SLC16A4: variants seen among roughly 807,000 people sequenced by gnomAD.
SLC16A4 encodes solute carrier family 16 member 4.
Under a neutral mutation model 47.9 loss-of-function variants are expected in SLC16A4, and 39 were observed. That is an observed-to-expected ratio of 0.81 (90% confidence interval 0.63 to 1.06). SLC16A4 has a LOEUF of 1.06. Ranked by LOEUF, SLC16A4 falls within the 50% of genes least tolerant of loss-of-function variation. The pLI, the probability that SLC16A4 is intolerant of heterozygous loss-of-function variation, is 0.00. For missense variants in SLC16A4, 524 were observed against 573.8 expected (o/e 0.91, Z 0.89); for synonymous variants, 189 against 199.9 (o/e 0.95, Z 0.46).
intron 8 of SLC16A4, chr1:110,372,012 C>T (rs756440467): frequency 1.3e-5 from 2 of 151,254 alleles, no homozygotes; most frequent in South Asian, 2.1e-4. Context: ...TTTTCTTGCC[C>T]GTATTCTCTA....
rs554864657 is a variant in SLC16A4 at position 110,385,856 on chromosome 1, A to G, written c.88-2890T>C. On this transcript the variant is annotated intron_variant, in intron 2 of 8. Coordinates refer to ENST00000369779, the MANE Select transcript of SLC16A4 (RefSeq NM_004696.3). ...CAGGCCCCCATTGAGGCAATTTATA[A>G]CCATAATTTTCCTCTAAGGCACTTC... is the stretch of plus-strand genomic sequence containing the variant. Among the ~76,000 whole-genome samples the G allele has an allele frequency of 3.3e-5, 5 of 152,364 alleles. No homozygotes were observed. In the South Asian group the frequency reaches 1.0e-3, roughly 32 times the overall value.
In SLC16A4 at chr1:110,379,356, C is replaced by T. The variant is rs781134498; in HGVS notation, c.527G>A (p.Gly176Glu). 1.9e-6 allele frequency: 3 copies of T among 1,591,318 alleles called. No homozygotes were observed. The highest frequency in any genetic ancestry group is 2.6e-6 in the Non-Finnish European group (3 of 1,165,244). ...KFLIDLYDWT[G>E]ALILFGAIAL... ...GATAGCTCCAAATAATATAAGGGCT[C>T]CTAAATAGGGAGAGATTGAGCAATT... is the stretch of plus-strand genomic sequence containing the variant. Residue 176 changes from glycine to glutamate, a missense_variant and splice_region_variant, in exon 6 of 9, where the codon GGA (glycine) becomes GAA (glutamate). Physicochemically the swap from Gly to Glu is moderately conservative, Grantham distance 98. Coordinates refer to ENST00000369779, the MANE Select transcript of SLC16A4 (RefSeq NM_004696.3).
At position 110,363,574 on chromosome 1, in the gene SLC16A4, C is replaced by T. The variant is rs922448186; in HGVS notation, c.*192G>A. On this transcript the variant is annotated 3_prime_UTR_variant, in exon 9 of 9. Transcript: ENST00000369779. Reference sequence around the variant, plus strand: ...CCAGGAGGCGGAGATTACAGTGAGCCGAGATTGCGCCACTGCACTCCAGCC... The same window carrying T: ...CCAGGAGGCGGAGATTACAGTGAGCTGAGATTGCGCCACTGCACTCCAGCC... 4.2e-5 allele frequency: 16 copies of T among 378,968 alleles called. No individual in the cohort carries two copies. The highest frequency in any genetic ancestry group is 7.6e-5 in the South Asian group (2 of 26,292). The allele number at this position is 378,968 out of a possible 1,614,324, so 23.5% of individuals were successfully genotyped here.
At position 110,377,071 on chromosome 1, in the gene SLC16A4, ATGAGG is replaced by A; in HGVS notation, c.1116_1120del (p.Leu373ProfsTer6). Reference sequence around the variant, plus strand: ...AAGCAGGTTAGTGATGCCGCAGAGGATGAGGTAAGACTTGTGGTAATGATACTTCT... The same window carrying A: ...AAGCAGGTTAGTGATGCCGCAGAGGATAAGACTTGTGGTAATGATACTTCT... On this transcript the variant is annotated frameshift_variant, in exon 7 of 9. Transcript: ENST00000369779. LOFTEE classifies it high-confidence loss of function. 6.2e-7 allele frequency: 1 copy of A among 1,614,134 alleles called. No homozygotes were observed. Among genetic ancestry groups the A allele is most frequent in the Non-Finnish European group, 8.5e-7 (1 of 1,180,008 alleles).
Position 110,379,138 on chromosome 1 carries a change from T to C in SLC16A4, c.745A>G (p.Ser249Gly). Reference protein sequence around the residue: ...DSTTQKAGLPSKNLTVSQNQS... With the variant: ...DSTTQKAGLPGKNLTVSQNQS... ...TTTTGTGAGACTGTTAAATTTTTGCTAGGTAGTCCAGCCTTCTGCGTAGTA... is the reference window on the plus strand; with the variant it reads ...TTTTGTGAGACTGTTAAATTTTTGCCAGGTAGTCCAGCCTTCTGCGTAGTA... The change falls in exon 6 of 9, where the codon AGC becomes GGC. Residue 249 changes from serine (S) to glycine (G), a missense_variant. Coordinates refer to ENST00000369779, the MANE Select transcript of SLC16A4 (RefSeq NM_004696.3). The C allele has an allele frequency of 1.2e-6, 2 of 1,614,260 alleles. No individual in the cohort carries two copies. Among genetic ancestry groups the C allele is most frequent in the Non-Finnish European group, 1.7e-6 (2 of 1,180,048 alleles).
At chr1:110,385,822 A>G (rs1387113726) in intron 2 of SLC16A4, among the ~76,000 whole-genome samples, 2 of 152,218 alleles carry the variant, frequency 1.3e-5, no homozygotes, top group Non-Finnish European at 2.9e-5. Context: ...AGTTAAAAAG[A>G]CATTTTATCA....
intron 1 of SLC16A4, 131 bp from the exon 2 acceptor site, chr1:110,389,486 G>A (rs1206215803): frequency 1.6e-6 from 1 of 630,740 alleles, no homozygotes; most frequent in Non-Finnish European, 2.7e-6. Context: ...GTGCAACGCA[G>A]TTTGGAGATT....
chr1:110,364,161 G>T, intron 8 of SLC16A4, among the ~76,000 whole-genome samples: 1 of 152,212 alleles, frequency 6.6e-6, no homozygotes, highest in South Asian at 2.1e-4. Flanking sequence ...TTAGAAGGCC[G>T]CTATTATGAA....
Position 110,377,297 on chromosome 1 carries a change from C to G in SLC16A4, c.1031-136G>C, listed in dbSNP as rs1221769965. 4.4e-6 allele frequency: 3 copies of G among 675,146 alleles called. No homozygotes were observed. In the African/African-American group the frequency reaches 5.5e-5, roughly 12 times the overall value. The allele number at this position is 675,146 out of a possible 1,614,324, so 41.8% of individuals were successfully genotyped here. Reference sequence around the variant, plus strand: ...GGAAAAAAATGATTTGATTTGTGTACCAGTAAGCTCTATTATATACTTACC... The same window carrying G: ...GGAAAAAAATGATTTGATTTGTGTAGCAGTAAGCTCTATTATATACTTACC... On this transcript the variant is annotated intron_variant, in intron 6 of 8. Coordinates refer to ENST00000369779, the MANE Select transcript of SLC16A4 (RefSeq NM_004696.3).
chr1:110,375,097 G>A lies in SLC16A4; in HGVS notation c.1336+361C>T, dbSNP rs116058232. ...TACCCCCGCCTTGGCCTCCCAGAGTGCTAGAATTACAGGCGTGAGCAATTG... is the reference window on the plus strand; with the variant it reads ...TACCCCCGCCTTGGCCTCCCAGAGTACTAGAATTACAGGCGTGAGCAATTG... On this transcript the variant is annotated intron_variant, in intron 8 of 8. Coordinates refer to ENST00000369779, the MANE Select transcript of SLC16A4 (RefSeq NM_004696.3). The A allele has an allele frequency of 5.3e-3, 912 of 172,128 alleles. 9 individuals carry two copies. Among genetic ancestry groups the A allele is most frequent in the African/African-American group, 0.019 (804 of 41,852 alleles). The allele number at this position is 172,128 out of a possible 1,614,324, so 10.7% of individuals were successfully genotyped here. A position where few individuals can be genotyped will look rare whatever the true frequency, so the allele number is the denominator to read the frequency against.
intron 7 of SLC16A4, among the ~76,000 whole-genome samples, chr1:110,376,221 T>G (rs554142621): frequency 6.6e-6 from 1 of 152,288 alleles, no homozygotes; most frequent in South Asian, 2.1e-4. Flanking sequence ...TATCAACCAT[T>G]GGTTTGTAAG....
Position 110,379,031 on chromosome 1 carries a change from C to T in SLC16A4, c.852G>A (p.Ser284=), listed in dbSNP as rs749141870. The change falls in exon 6 of 9, where the codon TCG becomes TCA. Residue 284 remains serine, a synonymous_variant. Transcript: ENST00000369779. The part of the protein sequence containing the change: ...KSDEESDKVI[S]WSCKQLFDIS... ...TGTCAAACAGTTGTTTGCAGCTCCA[C>T]GAAATAACCTTATCACTTTCTTCAT... 30 of 1,614,056 alleles carry T rather than the reference C, an allele frequency of 1.9e-5. No homozygotes were observed. The highest frequency in any genetic ancestry group is 2.2e-5 in the East Asian group (1 of 44,886).
At chr1:110,376,830 G>A in intron 7 of SLC16A4, 120 bp downstream of exon 7, 1 of 825,934 alleles carries the variant, frequency 1.2e-6, no homozygotes, top group Non-Finnish European at 1.9e-6. Flanking sequence ...GAGTTTCTAA[G>A]GTCTTTGAAA....
Position 110,382,894 on chromosome 1 carries a change from C to A in SLC16A4, c.160G>T (p.Gly54Cys). Residue 54 changes from glycine (G) to cysteine (C), a missense_variant, in exon 3 of 9, where the codon GGC becomes TGC. Gly to Cys is a radical substitution (Grantham distance 159, BLOSUM62 -3). Transcript: ENST00000369779. ...ATCCAACCAATTTGCTCTGAGGTGC[C>A]TTCAAACTCTTCTTGAAAGACCACA... ...FFVVFQEEFE[G>C]TSEQIGWIGS... The A allele has an allele frequency of 6.2e-7, 1 of 1,612,916 alleles. No homozygotes were observed. Among genetic ancestry groups the A allele is most frequent in the Non-Finnish European group, 8.5e-7 (1 of 1,179,226 alleles).
chr1:110,390,064 CAG>C (rs1409160207), intron 1 of SLC16A4, among the ~76,000 whole-genome samples: 1 of 151,938 alleles, frequency 6.6e-6, no homozygotes, highest in Non-Finnish European at 1.5e-5. Context: ...TAATACAAAA[CAG>C]AAAAAAAACC....
chr1:110,378,597 T>C (rs1244757026), intron 6 of SLC16A4, among the ~76,000 whole-genome samples: 2 of 152,196 alleles, frequency 1.3e-5, no homozygotes, highest in African/African-American at 4.8e-5. Flanking sequence ...ATGTCTACTG[T>C]GTCAAACACT....
At chr1:110,373,383 C>CT (rs2101008905) in intron 8 of SLC16A4, among the ~76,000 whole-genome samples, 1 of 152,198 alleles carries the variant, frequency 6.6e-6, no homozygotes, top group East Asian at 1.9e-4. Context: ...TGTTTGAGCT[C>CT]TGTTTTCTGT....
chr1:110,387,243 T>C (rs181767737), intron 2 of SLC16A4, among the ~76,000 whole-genome samples: 1 of 152,138 alleles, frequency 6.6e-6, no homozygotes. Flanking sequence ...AATGCAGACA[T>C]AGACCCTGCC....
At chr1:110,379,463 G>A in intron 5 of SLC16A4, 107 bp from the exon 6 acceptor site, 1 of 1,021,280 alleles carries the variant, frequency 9.8e-7, no homozygotes, top group South Asian at 1.7e-5. Context: ...ATTAATTCTT[G>A]AAAACATTAC....
Sources: gnomAD v4.1 joint callset for allele counts (sites outside exome capture counted in the v4.1 genomes callset) on GRCh38, gnomAD v4.1.1 for gene constraint, MANE v1.5 for transcripts, NCBI Gene and HGNC (gene_info 2026-07-23, HGNC 2026-07-21) for gene names.